The following CHRM5 variants were observed in gnomAD, a reference collection of about 807,000 sequenced individuals.
CHRM5 encodes the protein cholinergic receptor muscarinic 5, also known as muscarinic acetylcholine receptor M5.
In CHRM5, 18 loss-of-function variants were observed where a neutral mutation model predicts 39.0. The observed-to-expected ratio is 0.46, with a 90% CI of 0.32 to 0.68. CHRM5 has a LOEUF of 0.68. CHRM5 is among the 30% of genes least tolerant of loss of function. The pLI, the probability that CHRM5 is intolerant of heterozygous loss-of-function variation, is 0.04. For synonymous variants in CHRM5, 241 were observed against 246.3 expected (o/e 0.98, Z 0.20); for missense variants, 515 against 651.1 (o/e 0.79, Z 2.28).
At chr15:33,989,513 A>G (rs1896627227) in intron 1 of CHRM5, among the ~76,000 whole-genome samples, 3 of 151,968 alleles carry the variant, frequency 2.0e-5, no homozygotes, top group Non-Finnish European at 4.4e-5. Context: ...ACGCCCACCA[A>G]GTGTTCCTTC....
At chr15:33,996,690 C>T (rs904340144) in intron 1 of CHRM5, among the ~76,000 whole-genome samples, 14 of 152,154 alleles carry the variant, frequency 9.2e-5, no homozygotes, top group Admixed American at 2.6e-4. Flanking sequence ...ACACCAAAAC[C>T]CCATCTGTAG....
chr15:34,051,209 A>G (rs1597388691), intron 2 of CHRM5, among the ~76,000 whole-genome samples: 1 of 152,220 alleles, frequency 6.6e-6, no homozygotes, highest in East Asian at 1.9e-4. Flanking sequence ...CAACCACACA[A>G]CTACATGGAA....
At chr15:34,055,921 GAC>G (rs1226556761) in intron 2 of CHRM5, among the ~76,000 whole-genome samples, 7 of 152,108 alleles carry the variant, frequency 4.6e-5, no homozygotes, top group African/African-American at 1.4e-4. Context: ...TAAATTTTGA[GAC>G]ACACTGATTA....
At chr15:33,986,784 GTAGCTGGGAC>G (rs928912715) in intron 1 of CHRM5, among the ~76,000 whole-genome samples, 10 of 151,530 alleles carry the variant, frequency 6.6e-5, no homozygotes, top group African/African-American at 2.4e-4. Context: ...AGCCGCCCGA[GTAGCTGGGAC>G]TACAGGCACG....
At chr15:34,033,900 G>A (rs770860710) in intron 1 of CHRM5, among the ~76,000 whole-genome samples, 3 of 151,976 alleles carry the variant, frequency 2.0e-5, no homozygotes, top group Admixed American at 6.6e-5. Flanking sequence ...CGATTCTCCC[G>A]CCTCAGCCTC....
At chr15:33,995,758 C>T (rs146835698) in intron 1 of CHRM5, among the ~76,000 whole-genome samples, 1 of 152,342 alleles carries the variant, frequency 6.6e-6, no homozygotes, top group Admixed American at 6.5e-5. Flanking sequence ...CAGCTCCCAG[C>T]GTGATCAATG....
chr15:33,981,445 A>C (rs1346454923), intron 1 of CHRM5, among the ~76,000 whole-genome samples: 2 of 152,168 alleles, frequency 1.3e-5, no homozygotes, highest in African/African-American at 4.8e-5. Context: ...AAACATAACC[A>C]AGTTTTTTTA....
chr15:34,029,937 T>C (rs540001281), intron 1 of CHRM5, among the ~76,000 whole-genome samples: 2 of 152,266 alleles, frequency 1.3e-5, no homozygotes, highest in East Asian at 3.9e-4. Flanking sequence ...CACTAGAATG[T>C]GAACTCTAGA....
chr15:34,022,959 G>A (rs1368767278), intron 1 of CHRM5, among the ~76,000 whole-genome samples: 9 of 152,146 alleles, frequency 5.9e-5, no homozygotes, highest in East Asian at 1.9e-4. Context: ...AGGCCGAGGC[G>A]GGCGGATCAC....
chr15:34,041,514 T>C (rs1259089566), intron 1 of CHRM5, among the ~76,000 whole-genome samples: 1 of 152,186 alleles, frequency 6.6e-6, no homozygotes, highest in Non-Finnish European at 1.5e-5. Flanking sequence ...TCCAAAATTA[T>C]GAGGTTGAAA....
At chr15:34,014,268 G>A (rs1451431130) in intron 1 of CHRM5, among the ~76,000 whole-genome samples, 1 of 151,180 alleles carries the variant, frequency 6.6e-6, no homozygotes, top group Non-Finnish European at 1.5e-5. Flanking sequence ...GGAGGCTGAG[G>A]CAGGAGGATT....
chr15:33,980,998 G>C (rs953146051), intron 1 of CHRM5, among the ~76,000 whole-genome samples: 2 of 152,058 alleles, frequency 1.3e-5, no homozygotes, highest in African/African-American at 4.8e-5. Context: ...CTTTAAAATA[G>C]AGATCATCAA....
intron 1 of CHRM5, among the ~76,000 whole-genome samples, chr15:33,974,283 G>A (rs990320238): frequency 6.6e-6 from 1 of 152,196 alleles, no homozygotes; most frequent in Non-Finnish European, 1.5e-5. Flanking sequence ...GATGAGTGGA[G>A]AAAGTGACAC....
intron 1 of CHRM5, among the ~76,000 whole-genome samples, chr15:34,028,358 AG>A (rs1898598284): frequency 1.3e-5 from 2 of 152,178 alleles, no homozygotes; most frequent in Admixed American, 1.3e-4. Flanking sequence ...TGAGCCCAGG[AG>A]TTCGAGAGCA....
chr15:34,018,676 C>A (rs2702320), intron 1 of CHRM5, among the ~76,000 whole-genome samples: 143,178 of 152,260 alleles, frequency 0.94, 67,939 homozygotes, highest in East Asian at 1. Context: ...AAAGGGACTC[C>A]AGTGGGTTGC....
chr15:34,029,597 C>G (rs1030160104), intron 1 of CHRM5, among the ~76,000 whole-genome samples: 2 of 150,552 alleles, frequency 1.3e-5, no homozygotes, highest in Non-Finnish European at 3.0e-5. Context: ...CATAGTACTA[C>G]TGACTTTAAA....
intron 1 of CHRM5, among the ~76,000 whole-genome samples, chr15:34,040,521 C>T (rs1258109887): frequency 6.6e-6 from 1 of 152,204 alleles, no homozygotes; most frequent in Non-Finnish European, 1.5e-5. Context: ...CACTATTCTA[C>T]ATACTTCTCA....
chr15:34,057,800 AAATT>A (rs1333962186), intron 2 of CHRM5, among the ~76,000 whole-genome samples: 1 of 152,200 alleles, frequency 6.6e-6, no homozygotes, highest in African/African-American at 2.4e-5. Flanking sequence ...TGTTTCTAAT[AAATT>A]AATTAATGTC....
intron 1 of CHRM5, chr15:34,038,877 C>T: frequency 8.8e-7 from 1 of 1,139,348 alleles, no homozygotes; most frequent in Non-Finnish European, 1.1e-6. Context: ...GCGGAAGCCC[C>T]GGCCACGGCC....
Sources: gnomAD v4.1 joint callset for allele counts (sites outside exome capture counted in the v4.1 genomes callset) on GRCh38, gnomAD v4.1.1 for gene constraint, MANE v1.5 for transcripts, NCBI Gene and HGNC (gene_info 2026-07-23, HGNC 2026-07-21) for gene names.